Variants in MAP3K21 observed in about 807,000 individuals in gnomAD.
The protein encoded by MAP3K21 is mitogen-activated protein kinase kinase kinase MLK4.
Under a neutral mutation model 86.1 loss-of-function variants are expected in MAP3K21, and 63 were observed. The ratio of observed to expected loss-of-function variants is 0.73; its 90% CI spans 0.60 to 0.90. MAP3K21 has a LOEUF of 0.90. Ranked by LOEUF, MAP3K21 falls within the 40% of genes least tolerant of loss-of-function variation. The pLI, the probability that MAP3K21 is intolerant of heterozygous loss-of-function variation, is 0.00. For missense variants in MAP3K21, 1,220 were observed against 1,367.7 expected, an observed-to-expected ratio of 0.89 and a Z score of 1.70; for synonymous variants, 558 against 564.8, an observed-to-expected ratio of 0.99 and a Z score of 0.17.
chr1:233,372,318 T>C (rs773790753), intron 6 of MAP3K21, 158 bp downstream of exon 6: 1 of 783,396 alleles, frequency 1.3e-6, no homozygotes, highest in Non-Finnish European at 1.9e-6. Flanking sequence ...AACTTGAGCA[T>C]AGGTTCCTTA....
chr1:233,331,949 G>T (rs1662814402), intron 1 of MAP3K21, among the ~76,000 whole-genome samples: 1 of 152,182 alleles, frequency 6.6e-6, no homozygotes, highest in Admixed American at 6.5e-5. Flanking sequence ...ACTAGGCCCT[G>T]TAACTCCCTT....
intron 1 of MAP3K21, among the ~76,000 whole-genome samples, chr1:233,332,067 G>A (rs1035374078): frequency 9.9e-5 from 15 of 152,086 alleles, no homozygotes; most frequent in South Asian, 4.2e-4. Flanking sequence ...CCAGTGTTAT[G>A]CGCATTTACA....
intron 1 of MAP3K21, among the ~76,000 whole-genome samples, chr1:233,338,154 A>G (rs138577638): frequency 5.5e-4 from 84 of 152,348 alleles, no homozygotes; most frequent in African/African-American, 1.9e-3. Flanking sequence ...TGAGTATACT[A>G]CATGTCCATG....
At chr1:233,364,012 T>A (rs1334087811) in intron 5 of MAP3K21, among the ~76,000 whole-genome samples, 2 of 150,442 alleles carry the variant, frequency 1.3e-5, no homozygotes, top group South Asian at 2.1e-4. Context: ...AGACTCTGTC[T>A]CAAAAAAAAA....
At chr1:233,380,448 C>T (rs1026632138) in intron 9 of MAP3K21, among the ~76,000 whole-genome samples, 5 of 152,096 alleles carry the variant, frequency 3.3e-5, no homozygotes, top group Non-Finnish European at 7.4e-5. Context: ...CTGTACAGAC[C>T]CTATTCCACA....
At chr1:233,372,770 A>T (rs76531641) in intron 6 of MAP3K21, 3,619 of 152,242 alleles carry the variant, frequency 0.024, 143 homozygotes, top group African/African-American at 0.083. Context: ...AAAATTACTA[A>T]TTTTTTTCAA....
chr1:233,332,711 T>C (rs928071936), intron 1 of MAP3K21, among the ~76,000 whole-genome samples: 1 of 152,218 alleles, frequency 6.6e-6, no homozygotes, highest in African/African-American at 2.4e-5. Context: ...CCAAGGATGG[T>C]TTGAAATATT....
chr1:233,378,854 C>T, intron 8 of MAP3K21, 77 bp from the exon 9 acceptor site: 1 of 1,041,738 alleles, frequency 9.6e-7, no homozygotes, highest in Non-Finnish European at 1.4e-6. Flanking sequence ...TATATTTTAG[C>T]TTTATTTTAC....
Position 233,339,277 on chromosome 1 carries a change from TTCTTCTTCTTCTTCC to T in MAP3K21, c.806-7153_806-7139del, listed in dbSNP as rs1558450907. ...CTTCTTCTTCTTCTTCCTCTTCTTCTTCTTCTTCTTCTTCCTCTTCTTCTTCCTCTTCTTCTTCCT... is the reference window on the plus strand; with the variant it reads ...CTTCTTCTTCTTCTTCCTCTTCTTCTTCTTCTTCTTCCTCTTCTTCTTCCT... On this transcript the variant is annotated intron_variant, in intron 1 of 9. Coordinates refer to ENST00000366624, the MANE Select transcript of MAP3K21 (RefSeq NM_032435.3). Among the ~76,000 whole-genome samples the T allele has an allele frequency of 7.5e-4, 69 of 91,568 alleles. 4 individuals carry two copies. Among genetic ancestry groups the T allele is most frequent in the South Asian group, 1.1e-3 (3 of 2,660 alleles). The allele number at this position is 91,568 out of a possible 152,430, so 60.1% of individuals were successfully genotyped here.
rs184319368 is a variant in MAP3K21 at position 233,343,016 on chromosome 1, A to G, written c.806-3426A>G. ...ACGGGGAAAAAAGTTGTAACCCAAC[A>G]GTATTTATTCAGTATCAATTACTTA... is the stretch of plus-strand genomic sequence containing the variant. On this transcript the variant is annotated intron_variant, in intron 1 of 9. Transcript: ENST00000366624. 7.2e-5 allele frequency among the ~76,000 whole-genome samples: 11 copies of G among 152,340 alleles called. No individual in the cohort carries two copies. The South Asian group carries it at 1.9e-3, about 26-fold the overall frequency.
chr1:233,344,093 T>C (rs1202736601), intron 1 of MAP3K21, among the ~76,000 whole-genome samples: 1 of 151,980 alleles, frequency 6.6e-6, no homozygotes, highest in East Asian at 1.9e-4. Flanking sequence ...AGGGTGCAGG[T>C]GAGGAGTGAA....
chr1:233,354,501 G>C (rs10752754), intron 3 of MAP3K21, among the ~76,000 whole-genome samples: 62,467 of 151,534 alleles, frequency 0.41, 13,118 homozygotes, highest in Admixed American at 0.55. Flanking sequence ...ATCAGTAAAT[G>C]ATCTGGTTAT....
chr1:233,358,794 C>CA (rs199976869), intron 4 of MAP3K21, among the ~76,000 whole-genome samples: 15,354 of 145,482 alleles, frequency 0.11, 940 homozygotes, highest in Middle Eastern at 0.16. Context: ...GACCCTGTCT[C>CA]AAAAAAAAAA....
At chr1:233,351,089 G>A (rs1455410541) in intron 2 of MAP3K21, among the ~76,000 whole-genome samples, 2 of 132,230 alleles carry the variant, frequency 1.5e-5, no homozygotes, top group African/African-American at 5.9e-5. Context: ...GACAATTTTA[G>A]TTATTCTATG....
intron 9 of MAP3K21, among the ~76,000 whole-genome samples, chr1:233,380,298 C>T (rs1035473567): frequency 6.6e-6 from 1 of 152,166 alleles, no homozygotes. Context: ...TCTAGACGGC[C>T]GTTTTCTCCC....
intron 9 of MAP3K21, among the ~76,000 whole-genome samples, chr1:233,380,206 G>A (rs1016261608): frequency 6.6e-6 from 1 of 152,250 alleles, no homozygotes; most frequent in Non-Finnish European, 1.5e-5. Flanking sequence ...CAAACTCATT[G>A]TCCAGCAGTT....
chr1:233,331,130 T>C (rs1662803011), intron 1 of MAP3K21, among the ~76,000 whole-genome samples: 1 of 152,192 alleles, frequency 6.6e-6, no homozygotes, highest in East Asian at 1.9e-4. Flanking sequence ...TATTACATAA[T>C]TTGATGGTGA....
chr1:233,352,974 G>C (rs1048822828), intron 2 of MAP3K21, among the ~76,000 whole-genome samples: 1 of 152,170 alleles, frequency 6.6e-6, no homozygotes. Context: ...TTGAATTTGG[G>C]CTATCAGTCT....
rs756433169 is a variant in MAP3K21 at position 233,372,169 on chromosome 1, TCTGCA to T, written c.1675+14_1675+18del. On this transcript the variant is annotated intron_variant, in intron 6 of 9. Coordinates refer to ENST00000366624, the MANE Select transcript of MAP3K21 (RefSeq NM_032435.3). ...ACTCCGAGCCATACAGTGTGAGCTT[TCTGCA>T]CTGCCACGGGGGCTCCTGTGTTGAC... The T allele has an allele frequency of 1.4e-5, 23 of 1,613,600 alleles. No homozygotes were observed. Among genetic ancestry groups the T allele is most frequent in the Non-Finnish European group, 1.9e-5 (22 of 1,179,724 alleles).
Sources: allele counts gnomAD v4.1 joint callset (sites outside exome capture counted in the v4.1 genomes callset), GRCh38; gene constraint gnomAD v4.1.1; transcripts MANE v1.5; gene names NCBI Gene and HGNC (gene_info 2026-07-23, HGNC 2026-07-21).